The following ITPR1 variants were observed in gnomAD, a reference collection of about 807,000 sequenced individuals.
ITPR1 encodes the protein inositol 1,4,5-trisphosphate-gated calcium channel ITPR1.
A neutral mutation model predicts 318.4 loss-of-function variants in ITPR1; 96 were observed. That is an observed-to-expected ratio of 0.30 (90% CI 0.26 to 0.36). The LOEUF (loss-of-function observed/expected upper bound fraction) is 0.36. Ranked by LOEUF, ITPR1 falls within the 10% of genes least tolerant of loss-of-function variation. The probability of loss-of-function intolerance (pLI) is 1.00; values close to 1 mark genes in which losing one functional copy is unlikely to be tolerated. For synonymous variants in ITPR1, 1,312 were observed against 1,289.9 expected (o/e 1.02, Z -0.37); for missense variants, 2,440 against 3,460.2 (o/e 0.71, Z 7.40).
chr3:4,717,972 G>A (rs2041893218), intron 40 of ITPR1, among the ~76,000 whole-genome samples: 2 of 152,262 alleles, frequency 1.3e-5, no homozygotes, highest in South Asian at 4.2e-4. Context: ...TGTATCCATG[G>A]CTTCTCTTCT....
intron 44 of ITPR1, among the ~76,000 whole-genome samples, chr3:4,754,062 C>T (rs1170210756): frequency 8.0e-6 from 1 of 124,634 alleles, no homozygotes; most frequent in Non-Finnish European, 1.7e-5. Flanking sequence ...GGGGGGGTGG[C>T]AAGGATTATT....
Position 4,818,213 on chromosome 3 carries a change from C to A in ITPR1, c.7999C>A (p.Pro2667Thr). Residue 2667 changes from proline (P) to threonine (T), a missense_variant, in exon 60 of 62, where the codon CCT becomes ACT. Pro to Thr is a conservative substitution (Grantham distance 38, BLOSUM62 -1). Transcript: ENST00000649015. ...AAAGGACTCCACCGAATATACTGGG[C>A]CTGAGAGTTACGTGGCAGAAATGAT... ...KVKDSTEYTG[P>T]ESYVAEMIKE... 6.3e-7 allele frequency: 1 copy of A among 1,578,272 alleles called. No individual in the cohort carries two copies. Among genetic ancestry groups the A allele is most frequent in the Non-Finnish European group, 8.7e-7 (1 of 1,152,536 alleles).
At chr3:4,555,081 A>G (rs566230136) in intron 4 of ITPR1, among the ~76,000 whole-genome samples, 3 of 152,340 alleles carry the variant, frequency 2.0e-5, no homozygotes, top group South Asian at 2.1e-4. Flanking sequence ...ACCATGTTCC[A>G]TAGGGCTTCT....
At chr3:4,650,489 T>G (rs2093568315) in intron 10 of ITPR1, among the ~76,000 whole-genome samples, 1 of 152,136 alleles carries the variant, frequency 6.6e-6, no homozygotes, top group South Asian at 2.1e-4. Flanking sequence ...TTCGATGGGT[T>G]AAAAAAATGT....
At chr3:4,569,072 C>T (rs1162015888) in intron 4 of ITPR1, among the ~76,000 whole-genome samples, 1 of 152,210 alleles carries the variant, frequency 6.6e-6, no homozygotes, top group Non-Finnish European at 1.5e-5. Context: ...CCACCCCTCA[C>T]ACTGAGGATC....
chr3:4,665,620 A>G (rs2093929800), intron 17 of ITPR1, among the ~76,000 whole-genome samples: 1 of 152,144 alleles, frequency 6.6e-6, no homozygotes, highest in African/African-American at 2.4e-5. Flanking sequence ...TATATTAAAG[A>G]TATAGTGGAG....
chr3:4,793,923 T>A (rs2047730457), intron 52 of ITPR1, among the ~76,000 whole-genome samples: 1 of 152,250 alleles, frequency 6.6e-6, no homozygotes, highest in Non-Finnish European at 1.5e-5. Context: ...ATAATTTTAT[T>A]TTGGTTGGAA....
intron 4 of ITPR1, among the ~76,000 whole-genome samples, chr3:4,607,918 A>G (rs908092232): frequency 6.6e-6 from 1 of 152,140 alleles, no homozygotes; most frequent in African/African-American, 2.4e-5. Context: ...ATGGCTGCCA[A>G]TTGATTATGT....
intron 4 of ITPR1, among the ~76,000 whole-genome samples, chr3:4,568,133 G>T (rs541838784): frequency 6.6e-6 from 1 of 152,218 alleles, no homozygotes. Flanking sequence ...TACATAGTTG[G>T]GCCCTGGAGG....
intron 44 of ITPR1, among the ~76,000 whole-genome samples, chr3:4,756,278 G>C (rs919576527): frequency 3.3e-5 from 5 of 152,110 alleles, no homozygotes; most frequent in African/African-American, 1.2e-4. Context: ...ATCTCTGCAC[G>C]TGCAGAAATT....
chr3:4,567,752 T>C lies in ITPR1; in HGVS notation c.163+46658T>C, dbSNP rs199906322. Among the ~76,000 whole-genome samples the C allele has an allele frequency of 7.2e-5, 11 of 152,148 alleles. No individual in the cohort carries two copies. The East Asian group carries it at 1.2e-3, about 16-fold the overall frequency. ...GAGTAGCTGGGACTACAGGCATGCG[T>C]CACCACACCCAGCTAATTTTTTTGT... On this transcript the variant is annotated intron_variant, in intron 4 of 61. Coordinates refer to ENST00000649015, the MANE Select transcript of ITPR1 (RefSeq NM_001378452.1).
At position 4,670,813 on chromosome 3, in the gene ITPR1, G is replaced by A. The variant is rs2125208725; in HGVS notation, c.2091G>A (p.Val697=). 1 of 1,610,598 alleles carries A rather than the reference G, an allele frequency of 6.2e-7. No individual in the cohort carries two copies. ...ALEAGEDEEE[V]WLFWRDSNKE... Reference sequence around the variant, plus strand: ...AGGCAGGAGAAGACGAGGAAGAGGTGTGGCTGTTTTGGAGGGACAGCAACA... The same window carrying A: ...AGGCAGGAGAAGACGAGGAAGAGGTATGGCTGTTTTGGAGGGACAGCAACA... Residue 697 remains valine, a synonymous_variant, in exon 20 of 62, where the codon GTG becomes GTA. Transcript: ENST00000649015.
At chr3:4,768,020 C>A (rs1270259684) in intron 45 of ITPR1, among the ~76,000 whole-genome samples, 1 of 152,174 alleles carries the variant, frequency 6.6e-6, no homozygotes, top group Non-Finnish European at 1.5e-5. Context: ...AACTGTAATG[C>A]CATAACTACC....
At chr3:4,642,287 G>A in intron 7 of ITPR1, 36 bp downstream of exon 7, 1 of 1,468,776 alleles carries the variant, frequency 6.8e-7, no homozygotes, top group South Asian at 1.5e-5. Context: ...AGTCTTCCGT[G>A]CCATGCTTCC....
intron 44 of ITPR1, among the ~76,000 whole-genome samples, chr3:4,745,025 TTTC>T (rs2043992155): frequency 7.1e-6 from 1 of 140,448 alleles, no homozygotes; most frequent in African/African-American, 2.7e-5. Flanking sequence ...CCTCCTTCCC[TTTC>T]TTTTCTTCTT....
At chr3:4,818,344 C>A in intron 60 of ITPR1, 102 bp downstream of exon 60, 5 of 923,298 alleles carry the variant, frequency 5.4e-6, no homozygotes, top group African/African-American at 1.6e-5. Flanking sequence ...AGAAGAATAA[C>A]ATCCGATGTT....
chr3:4,654,025 T>C, intron 12 of ITPR1, 139 bp downstream of exon 12: 2 of 616,576 alleles, frequency 3.2e-6, no homozygotes, highest in African/African-American at 1.8e-5. Flanking sequence ...AACACGATCA[T>C]GTTCTGTGCT....
intron 10 of ITPR1, among the ~76,000 whole-genome samples, chr3:4,648,044 C>T (rs187498007): frequency 8.6e-5 from 13 of 152,018 alleles, no homozygotes; most frequent in Admixed American, 6.5e-4. Context: ...CCCAGCTACT[C>T]GGGAGGCTGA....
At chr3:4,813,628 A>G (rs571043467) in intron 57 of ITPR1, among the ~76,000 whole-genome samples, 4 of 152,234 alleles carry the variant, frequency 2.6e-5, no homozygotes, top group African/African-American at 9.6e-5. Context: ...TATCCAAACT[A>G]TAAAAGGAGA....
Sources: allele counts gnomAD v4.1 joint callset (sites outside exome capture counted in the v4.1 genomes callset), GRCh38; gene constraint gnomAD v4.1.1; transcripts MANE v1.5; gene names NCBI Gene and HGNC (gene_info 2026-07-23, HGNC 2026-07-21).